THSD7B: variants seen among roughly 807,000 people sequenced by gnomAD.
THSD7B encodes thrombospondin type 1 domain containing 7B, also known as thrombospondin type-1 domain-containing protein 7B.
In THSD7B, 138 loss-of-function variants were observed where a neutral mutation model predicts 213.6. The ratio of observed to expected loss-of-function variants is 0.65; its 90% CI spans 0.56 to 0.74. The LOEUF is 0.74. Among genes scored for constraint, THSD7B ranks in the 30% least tolerant of loss-of-function variants. The probability of loss-of-function intolerance (pLI) is 0.00; values close to 1 mark genes in which losing one functional copy is unlikely to be tolerated. For missense variants in THSD7B, 1,931 were observed against 1,991.5 expected (o/e 0.97, Z 0.58); for synonymous variants, 742 against 687.0 (o/e 1.08, Z -1.25).
intron 1 of THSD7B, among the ~76,000 whole-genome samples, chr2:136,857,023 T>A (rs928121310): frequency 6.6e-6 from 1 of 152,380 alleles, no homozygotes; most frequent in Middle Eastern, 3.4e-3. Context: ...CTTGATATGA[T>A]GTAATTCTGT....
chr2:137,425,099 G>GGTA (rs1553448764), intron 14 of THSD7B, among the ~76,000 whole-genome samples: 1 of 147,352 alleles, frequency 6.8e-6, no homozygotes, highest in Non-Finnish European at 1.5e-5. Context: ...TAATAATAAT[G>GGTA]ATAATAATAA....
intron 1 of THSD7B, among the ~76,000 whole-genome samples, chr2:136,841,017 G>A (rs1483134485): frequency 6.6e-6 from 1 of 152,068 alleles, no homozygotes; most frequent in Non-Finnish European, 1.5e-5. Context: ...AGTGAGGCTA[G>A]CATTTATTGT....
chr2:137,487,050 C>T (rs1429871225), intron 15 of THSD7B, among the ~76,000 whole-genome samples: 3 of 150,702 alleles, frequency 2.0e-5, no homozygotes, highest in African/African-American at 7.4e-5. Context: ...AGAAAAGATC[C>T]AAAATTGACA....
At chr2:137,556,113 AC>A (rs1002177623) in intron 15 of THSD7B, among the ~76,000 whole-genome samples, 40 of 152,344 alleles carry the variant, frequency 2.6e-4, no homozygotes, top group African/African-American at 8.9e-4. Flanking sequence ...GTTGGAAAAC[AC>A]CCTGCAGGAT....
intron 5 of THSD7B, among the ~76,000 whole-genome samples, chr2:137,119,138 G>C (rs1244045635): frequency 6.6e-6 from 1 of 152,154 alleles, no homozygotes. Context: ...ATATATTTCA[G>C]GTTCTGGGTT....
intron 10 of THSD7B, among the ~76,000 whole-genome samples, chr2:137,253,387 T>A (rs897345516): frequency 3.3e-5 from 5 of 152,224 alleles, no homozygotes; most frequent in African/African-American, 1.2e-4. Flanking sequence ...TAATAGTGAC[T>A]TTAAAGCACT....
chr2:136,973,885 C>T (rs145277400), intron 2 of THSD7B, among the ~76,000 whole-genome samples: 146 of 152,278 alleles, frequency 9.6e-4, no homozygotes, highest in African/African-American at 3.4e-3. Flanking sequence ...ATTTGAGACA[C>T]AGTCTTTTAA....
intron 15 of THSD7B, among the ~76,000 whole-genome samples, chr2:137,539,211 T>C (rs1322185351): frequency 6.6e-6 from 1 of 151,678 alleles, no homozygotes; most frequent in Non-Finnish European, 1.5e-5. Flanking sequence ...TGGAGTGATA[T>C]TTATAATGCC....
intron 17 of THSD7B, among the ~76,000 whole-genome samples, chr2:137,611,055 G>A (rs970454554): frequency 2.0e-5 from 3 of 149,808 alleles, no homozygotes; most frequent in East Asian, 2.0e-4. Context: ...ATAGCAAAAC[G>A]CACAAAAAAA....
At chr2:137,371,906 G>A (rs372139823) in intron 12 of THSD7B, among the ~76,000 whole-genome samples, 23 of 152,020 alleles carry the variant, frequency 1.5e-4, no homozygotes, top group African/African-American at 4.3e-4. Context: ...CTTTTCATTC[G>A]CAAAGTTTTC....
intron 3 of THSD7B, among the ~76,000 whole-genome samples, chr2:137,059,462 T>C (rs1687230379): frequency 6.6e-6 from 1 of 152,118 alleles, no homozygotes; most frequent in South Asian, 2.1e-4. Flanking sequence ...ATGACATGGA[T>C]CCACAATTAC....
At chr2:137,567,114 T>G (rs1214603920) in intron 16 of THSD7B, among the ~76,000 whole-genome samples, 1 of 151,990 alleles carries the variant, frequency 6.6e-6, no homozygotes, top group Non-Finnish European at 1.5e-5. Context: ...GAAGGTTTGA[T>G]GTGGGGGAGT....
chr2:137,286,097 T>TAA (rs774262763), intron 12 of THSD7B, among the ~76,000 whole-genome samples: 1 of 121,074 alleles, frequency 8.3e-6, no homozygotes, highest in East Asian at 2.3e-4. Context: ...AGACTCTGTC[T>TAA]AAAAAAAAAA....
intron 12 of THSD7B, among the ~76,000 whole-genome samples, chr2:137,360,772 G>T (rs189066285): frequency 6.6e-6 from 1 of 152,306 alleles, no homozygotes; most frequent in Admixed American, 6.5e-5. Context: ...CCCCACCTCT[G>T]GGGGCAGGGC....
intron 2 of THSD7B, among the ~76,000 whole-genome samples, chr2:136,995,670 G>C (rs928535842): frequency 2.0e-5 from 3 of 152,048 alleles, no homozygotes; most frequent in Admixed American, 6.6e-5. Flanking sequence ...AATAAGATGG[G>C]TCAATAATTA....
chr2:137,387,705 AT>A (rs945809783), intron 12 of THSD7B, among the ~76,000 whole-genome samples: 12 of 152,196 alleles, frequency 7.9e-5, no homozygotes, highest in African/African-American at 2.9e-4. Context: ...ATTTGTTATG[AT>A]CTGAAGGACC....
intron 12 of THSD7B, among the ~76,000 whole-genome samples, chr2:137,364,075 G>T (rs1685342437): frequency 6.6e-6 from 1 of 152,210 alleles, no homozygotes; most frequent in South Asian, 2.1e-4. Context: ...TGGAATGCAA[G>T]GCTGGTTCAA....
intron 15 of THSD7B, among the ~76,000 whole-genome samples, chr2:137,480,023 C>T (rs1688270875): frequency 2.6e-5 from 4 of 152,152 alleles, no homozygotes; most frequent in African/African-American, 9.7e-5. Flanking sequence ...TTACCCTTTT[C>T]CTGCAATGGG....
At chr2:137,231,694 C>T (rs1426275915) in intron 8 of THSD7B, among the ~76,000 whole-genome samples, 1 of 152,196 alleles carries the variant, frequency 6.6e-6, no homozygotes, top group Non-Finnish European at 1.5e-5. Context: ...TGCTGGTATC[C>T]TGTCATGCCA....
Sources: gnomAD v4.1 joint callset for allele counts (sites outside exome capture counted in the v4.1 genomes callset) on GRCh38, gnomAD v4.1.1 for gene constraint, MANE v1.5 for transcripts, NCBI Gene and HGNC (gene_info 2026-07-23, HGNC 2026-07-21) for gene names.